SI: variants seen among roughly 807,000 people sequenced by gnomAD.
SI encodes the protein sucrase-isomaltase, intestinal.
SI carries 235 observed loss-of-function variants against 253.3 expected under a neutral mutation model. The ratio of observed to expected loss-of-function variants is 0.93; its 90% CI spans 0.83 to 1.03. SI has a LOEUF of 1.03. Ranked by LOEUF, SI falls within the 50% of genes least tolerant of loss-of-function variation. The pLI is 0.00. For synonymous variants in SI, 819 were observed against 712.0 expected, an observed-to-expected ratio of 1.15 and a Z score of -2.39; for missense variants, 2,442 against 2,211.1, an observed-to-expected ratio of 1.10 and a Z score of -2.09.
Position 164,983,284 on chromosome 3 carries a change from G to C in SI, c.5198-233C>G, listed in dbSNP as rs182639857. Among the ~76,000 whole-genome samples the C allele has an allele frequency of 5.9e-5, 9 of 152,256 alleles. No homozygotes were observed. The East Asian group carries it at 1.7e-3, about 29-fold the overall frequency. ...AGAGGACAAGCTAGGTGGTGTATGT[G>C]TGTGTAGGGGTAATGATAAAACAGT... On this transcript the variant is annotated intron_variant, in intron 45 of 47. Coordinates refer to ENST00000264382, the MANE Select transcript of SI (RefSeq NM_001041.4).
At chr3:165,076,149 C>G (rs1426857020) in intron 1 of SI, 137 bp from the exon 2 acceptor site, 1 of 549,762 alleles carries the variant, frequency 1.8e-6, no homozygotes, top group Non-Finnish European at 2.9e-6. Flanking sequence ...ACATAATATC[C>G]TAAATTAAGC....
chr3:165,009,522 C>A (rs1718674350), intron 34 of SI, 127 bp from the exon 35 acceptor site: 2 of 677,482 alleles, frequency 3.0e-6, no homozygotes, highest in Admixed American at 2.2e-5. Flanking sequence ...TGACATCAAT[C>A]TTAATTACAT....
At chr3:165,024,532 T>C (rs1049027381) in intron 25 of SI, among the ~76,000 whole-genome samples, 1 of 151,166 alleles carries the variant, frequency 6.6e-6, no homozygotes, top group African/African-American at 2.4e-5. Context: ...GCTGACTAAA[T>C]TGAGATACTC....
At chr3:165,022,645 C>T (rs1460812361) in intron 26 of SI, among the ~76,000 whole-genome samples, 9 of 150,626 alleles carry the variant, frequency 6.0e-5, no homozygotes, top group African/African-American at 1.7e-4. Flanking sequence ...GCTTTTGTGC[C>T]GTCTCGTTTC....
chr3:165,012,979 C>T lies in SI; in HGVS notation c.4062+1G>A, dbSNP rs1486851794. ...GTATAGTTAGCCCGTGTAAAACTTA[C>T]ATTAACAGCTTCATCTTCCGTTAGA... On this transcript the variant is annotated splice_donor_variant, in intron 34 of 47. Coordinates refer to ENST00000264382, the MANE Select transcript of SI (RefSeq NM_001041.4). LOFTEE classifies it high-confidence loss of function. 6 of 1,594,434 alleles carry T rather than the reference C, an allele frequency of 3.8e-6. No individual in the cohort carries two copies. The highest frequency in any genetic ancestry group is 4.3e-6 in the Non-Finnish European group (5 of 1,162,252).
At chr3:165,055,157 C>A (rs1560010475) in intron 13 of SI, 37 bp downstream of exon 13, 4 of 1,211,366 alleles carry the variant, frequency 3.3e-6, no homozygotes, top group Non-Finnish European at 4.9e-6. Flanking sequence ...AGTCTATGGT[C>A]ATTGACCAAA....
At chr3:164,991,521 G>C (rs1553769205) in intron 43 of SI, 44 bp from the exon 44 acceptor site, 1 of 1,607,508 alleles carries the variant, frequency 6.2e-7, no homozygotes, top group Non-Finnish European at 8.5e-7. Flanking sequence ...GCAAGAAATG[G>C]AATCATCAGC....
intron 37 of SI, among the ~76,000 whole-genome samples, chr3:165,000,128 G>T (rs1718192616): frequency 6.6e-6 from 1 of 151,250 alleles, no homozygotes; most frequent in African/African-American, 2.4e-5. Context: ...AACAAAATTA[G>T]TTTTGTTTAA....
chr3:164,988,116 C>T (rs1717530667), intron 44 of SI, among the ~76,000 whole-genome samples: 1 of 152,166 alleles, frequency 6.6e-6, no homozygotes, highest in African/African-American at 2.4e-5. Context: ...CCTTGAGAAG[C>T]AACTTGATTT....
chr3:165,055,516 A>T (rs1432918651), intron 12 of SI, among the ~76,000 whole-genome samples: 1 of 151,996 alleles, frequency 6.6e-6, no homozygotes, highest in African/African-American at 2.4e-5. Flanking sequence ...ATCATGAAGC[A>T]TTTAGGAAGA....
rs1712186934 is a variant in SI at position 165,030,785 on chromosome 3, C to A, written c.2819G>T (p.Arg940Ile). The change falls in exon 25 of 48, where the codon AGA (arginine) becomes ATA (isoleucine). Residue 940 changes from arginine (R) to isoleucine (I), a missense_variant. Coordinates refer to ENST00000264382, the MANE Select transcript of SI (RefSeq NM_001041.4). ...ATCTGCATCTGGATAACAATTAAAT[C>A]TTTCATTTTCTGAGAAAATTTGATT... Reference protein sequence around the residue: ...QWNQIFSENERFNCYPDADLA... With the variant: ...QWNQIFSENEIFNCYPDADLA... 5.0e-6 allele frequency: 8 copies of A among 1,597,414 alleles called. No individual in the cohort carries two copies. The highest frequency in any genetic ancestry group is 6.0e-6 in the Non-Finnish European group (7 of 1,171,466).
Position 164,991,490 on chromosome 3 carries a change from G to T in SI, c.4984-13C>A. 6.2e-7 allele frequency: 1 copy of T among 1,613,240 alleles called. No individual in the cohort carries two copies. The highest frequency in any genetic ancestry group is 8.5e-7 in the Non-Finnish European group (1 of 1,179,468). ...CAATATCTTTGCCCTGGAAATGAAAGGGATGGAAAGAACAGGTGGAGCAAG... is the reference window on the plus strand; with the variant it reads ...CAATATCTTTGCCCTGGAAATGAAATGGATGGAAAGAACAGGTGGAGCAAG... On this transcript the variant is annotated splice_polypyrimidine_tract_variant and intron_variant, in intron 43 of 47. Transcript: ENST00000264382.
intron 16 of SI, among the ~76,000 whole-genome samples, chr3:165,045,157 C>G (rs1339719453): frequency 2.0e-5 from 3 of 152,038 alleles, no homozygotes. Context: ...TTCTCTACTT[C>G]TTTAAAATGT....
At chr3:165,030,891 GAAA>G in intron 24 of SI, 24 bp from the exon 25 acceptor site, 1 of 1,199,292 alleles carries the variant, frequency 8.3e-7, no homozygotes, top group Non-Finnish European at 1.1e-6. Flanking sequence ...AAAAAAAAAA[GAAA>G]AAAAGAAAAA....
intron 40 of SI, 53 bp from the exon 41 acceptor site, chr3:164,994,458 T>C: frequency 3.2e-6 from 5 of 1,560,156 alleles, no homozygotes; most frequent in Non-Finnish European, 3.5e-6. Flanking sequence ...GTTTAAGTCA[T>C]AATATTCATA....
chr3:165,061,805 T>G (rs2108252905), intron 9 of SI, among the ~76,000 whole-genome samples: 1 of 152,092 alleles, frequency 6.6e-6, no homozygotes, highest in East Asian at 1.9e-4. Flanking sequence ...GTATACAAGA[T>G]GTTACTTAAT....
chr3:164,996,533 A>T lies in SI; in HGVS notation c.4692+2T>A. ...CTGAAAGTAAATGTAGTAATTACAT[A>T]CTCTAGTATTTGCAATGTTGTGATT... On this transcript the variant is annotated splice_donor_variant, in intron 40 of 47. Transcript: ENST00000264382. LOFTEE classifies it high-confidence loss of function. The T allele has an allele frequency of 7.1e-7, 1 of 1,400,164 alleles. No individual in the cohort carries two copies. The highest frequency in any genetic ancestry group is 1.0e-6 in the Non-Finnish European group (1 of 985,640). The allele number at this position is 1,400,164 out of a possible 1,614,324, so 86.7% of individuals were successfully genotyped here.
At chr3:165,008,804 A>G (rs2108158670) in intron 35 of SI, among the ~76,000 whole-genome samples, 1 of 152,052 alleles carries the variant, frequency 6.6e-6, no homozygotes, top group East Asian at 1.9e-4. Context: ...TGTATTAAGC[A>G]TTTACTTGTA....
intron 27 of SI, among the ~76,000 whole-genome samples, chr3:165,020,211 TATTC>T (rs1330479980): frequency 3.3e-5 from 5 of 151,766 alleles, no homozygotes; most frequent in Admixed American, 6.6e-5. Context: ...GTTTAACAGA[TATTC>T]AAATGTTTAA....
Sources: gnomAD v4.1 joint callset for allele counts (sites outside exome capture counted in the v4.1 genomes callset) on GRCh38, gnomAD v4.1.1 for gene constraint, MANE v1.5 for transcripts, NCBI Gene and HGNC (gene_info 2026-07-23, HGNC 2026-07-21) for gene names.